The following DOCK8 variants were observed in gnomAD, a reference collection of about 807,000 sequenced individuals.
The protein encoded by DOCK8 is dedicator of cytokinesis protein 8.
DOCK8 carries 141 observed loss-of-function variants against 245.6 expected under a neutral mutation model. The ratio of observed to expected loss-of-function variants is 0.57; its 90% CI spans 0.50 to 0.66. DOCK8 has a LOEUF of 0.66. Ranked by LOEUF, DOCK8 falls within the 30% of genes least tolerant of loss-of-function variation. The pLI is 0.00. For synonymous variants in DOCK8, 1,168 were observed against 970.2 expected (o/e 1.20, Z -3.79); for missense variants, 2,965 against 2,603.4 (o/e 1.14, Z -3.02).
intron 1 of DOCK8, among the ~76,000 whole-genome samples, chr9:227,087 C>T (rs67698246): frequency 0.024 from 3,696 of 152,198 alleles, 150 homozygotes; most frequent in African/African-American, 0.081. Flanking sequence ...TTATTGATGA[C>T]TTTTGTGTAC....
intron 26 of DOCK8, among the ~76,000 whole-genome samples, chr9:404,394 C>G (rs1259865651): frequency 6.6e-6 from 1 of 152,064 alleles, no homozygotes; most frequent in African/African-American, 2.4e-5. Flanking sequence ...TTTGCAGGTA[C>G]TATGTACTTT....
intron 14 of DOCK8, among the ~76,000 whole-genome samples, chr9:342,441 G>A (rs1033457005): frequency 6.9e-6 from 1 of 144,880 alleles, no homozygotes; most frequent in South Asian, 2.3e-4. Flanking sequence ...TTCATGTAAA[G>A]GTTTGTGGGT....
At chr9:447,878 G>A (rs1447703038) in intron 44 of DOCK8, among the ~76,000 whole-genome samples, 2 of 152,204 alleles carry the variant, frequency 1.3e-5, no homozygotes, top group Admixed American at 6.5e-5. Flanking sequence ...CTGAAGCAGT[G>A]ACTCAGTCGG....
chr9:361,560 A>G (rs954684811), intron 14 of DOCK8, among the ~76,000 whole-genome samples: 1 of 152,132 alleles, frequency 6.6e-6, no homozygotes, highest in East Asian at 1.9e-4. Context: ...GCATTTTGCA[A>G]TTTTTTTGAA....
At position 417,069 on chromosome 9, in the gene DOCK8, C is replaced by G. The variant is rs1029083827; in HGVS notation, c.3701-999C>G. ...CAGCACTTTGGGAGGCCAAGGTGGACAGATCACTTGAGGCCAGGGGTTCAA... is the reference window on the plus strand; with the variant it reads ...CAGCACTTTGGGAGGCCAAGGTGGAGAGATCACTTGAGGCCAGGGGTTCAA... On this transcript the variant is annotated intron_variant, in intron 29 of 47. Coordinates refer to ENST00000432829, the MANE Select transcript of DOCK8 (RefSeq NM_203447.4). 2.6e-5 allele frequency among the ~76,000 whole-genome samples: 4 copies of G among 152,096 alleles called. No individual in the cohort carries two copies. The East Asian group carries it at 7.7e-4, about 29-fold the overall frequency.
At chr9:309,936 G>T (rs957929618) in intron 5 of DOCK8, among the ~76,000 whole-genome samples, 2 of 152,136 alleles carry the variant, frequency 1.3e-5, no homozygotes, top group African/African-American at 4.8e-5. Flanking sequence ...TAATTAATGA[G>T]CCAGGGTTTC....
chr9:397,977 G>C lies in DOCK8; in HGVS notation c.3120+1043G>C, dbSNP rs149321730. ...ATATATAAAATGGAATAAATCAAATGTTTAAAAGGCAGCTACAAAAATCTT... is the reference window on the plus strand; with the variant it reads ...ATATATAAAATGGAATAAATCAAATCTTTAAAAGGCAGCTACAAAAATCTT... On this transcript the variant is annotated intron_variant, in intron 25 of 47. Coordinates refer to ENST00000432829, the MANE Select transcript of DOCK8 (RefSeq NM_203447.4). Among the ~76,000 whole-genome samples, 721 of 152,280 alleles carry C rather than the reference G, an allele frequency of 4.7e-3. 23 individuals carry two copies. Among genetic ancestry groups the C allele is most frequent in the Admixed American group, 0.042 (645 of 15,280 alleles).
rs148881017 is a variant in DOCK8 at position 271,776 on chromosome 9, G to GTGTT, written c.156+49_156+50insTTTG. ...ACTTAGCGATTGGTCAAGTGCAAAA[G>GTGTT]TGCCCAGGGTATGTGTTTGCCTCCT... On this transcript the variant is annotated intron_variant, in intron 2 of 47. Coordinates refer to ENST00000432829, the MANE Select transcript of DOCK8 (RefSeq NM_203447.4). 2.7e-3 allele frequency: 3,631 copies of GTGTT among 1,366,990 alleles called. 72 individuals are homozygous for GTGTT. The African/African-American group carries it at 0.045, about 17-fold the overall frequency. The allele number at this position is 1,366,990 out of a possible 1,614,324, so 84.7% of individuals were successfully genotyped here.
intron 2 of DOCK8, among the ~76,000 whole-genome samples, chr9:272,135 C>G (rs1461904247): frequency 1.3e-5 from 2 of 152,134 alleles, no homozygotes; most frequent in Non-Finnish European, 2.9e-5. Flanking sequence ...AATTTTCTTG[C>G]TAGTATAATT....
At chr9:345,546 A>G (rs1431707701) in intron 14 of DOCK8, among the ~76,000 whole-genome samples, 2 of 152,144 alleles carry the variant, frequency 1.3e-5, no homozygotes, top group African/African-American at 2.4e-5. Flanking sequence ...TTTGGTATTG[A>G]TGAGGGTTTC....
chr9:252,872 G>T (rs1422588964), intron 1 of DOCK8, among the ~76,000 whole-genome samples: 1 of 151,852 alleles, frequency 6.6e-6, no homozygotes, highest in Non-Finnish European at 1.5e-5. Context: ...TTTGTTGGTA[G>T]CCAACATGCA....
intron 46 of DOCK8, among the ~76,000 whole-genome samples, chr9:454,806 G>A (rs1430164268): frequency 6.6e-6 from 1 of 152,086 alleles, no homozygotes; most frequent in African/African-American, 2.4e-5. Flanking sequence ...TAGGTAAAAT[G>A]TACTTACAAA....
intron 5 of DOCK8, among the ~76,000 whole-genome samples, chr9:305,121 G>A (rs2049758819): frequency 6.6e-6 from 1 of 152,008 alleles, no homozygotes; most frequent in Non-Finnish European, 1.5e-5. Context: ...TAAACTTATT[G>A]GGCTTCAGTT....
intron 1 of DOCK8, among the ~76,000 whole-genome samples, chr9:245,147 G>A (rs904620695): frequency 7.2e-5 from 11 of 152,074 alleles, no homozygotes; most frequent in African/African-American, 2.2e-4. Flanking sequence ...AGCTGTAGTT[G>A]TTTTCAGCCG....
chr9:328,500 G>A (rs1380166236), intron 9 of DOCK8, among the ~76,000 whole-genome samples: 2 of 152,164 alleles, frequency 1.3e-5, no homozygotes, highest in East Asian at 3.9e-4. Context: ...GGATAGTCAT[G>A]ACTACAGAAT....
At chr9:251,162 A>G (rs1234620713) in intron 1 of DOCK8, among the ~76,000 whole-genome samples, 1 of 152,162 alleles carries the variant, frequency 6.6e-6, no homozygotes, top group Admixed American at 6.5e-5. Flanking sequence ...CCCATCCCAC[A>G]TTCTAGAAAA....
At chr9:420,851 C>T (rs1267717979) in intron 31 of DOCK8, 98 bp from the exon 32 acceptor site, 6 of 1,531,430 alleles carry the variant, frequency 3.9e-6, no homozygotes, top group Non-Finnish European at 5.4e-6. Context: ...ACATGTCAAA[C>T]TTAGCTGGCA....
intron 3 of DOCK8, among the ~76,000 whole-genome samples, chr9:287,982 TG>T (rs534357396): frequency 8.4e-4 from 127 of 151,926 alleles, no homozygotes; most frequent in African/African-American, 3.0e-3. Flanking sequence ...GAGTTCAGCC[TG>T]GGTAAAATAG....
At chr9:458,140 G>A (rs577941456) in intron 46 of DOCK8, 2 of 152,268 alleles carry the variant, frequency 1.3e-5, no homozygotes, top group Non-Finnish European at 2.9e-5. Flanking sequence ...GGAGGTAGTC[G>A]ATGTAGAGCT....
Sources: gnomAD v4.1 joint callset for allele counts (sites outside exome capture counted in the v4.1 genomes callset) on GRCh38, gnomAD v4.1.1 for gene constraint, MANE v1.5 for transcripts, NCBI Gene and HGNC (gene_info 2026-07-23, HGNC 2026-07-21) for gene names.